TTC6: variants seen among roughly 807,000 people sequenced by gnomAD.
TTC6 encodes the protein tetratricopeptide repeat protein 6.
In TTC6, 172 loss-of-function variants were observed where a neutral mutation model predicts 210.4. The ratio of observed to expected loss-of-function variants is 0.82; its 90% CI spans 0.72 to 0.93. The LOEUF is 0.93. Ranked by LOEUF, TTC6 falls within the 40% of genes least tolerant of loss-of-function variation. The probability of loss-of-function intolerance (pLI) is 0.00; values close to 1 mark genes in which losing one functional copy is unlikely to be tolerated. For synonymous variants in TTC6, 804 were observed against 819.6 expected (o/e 0.98, Z 0.32); for missense variants, 2,414 against 2,318.1 (o/e 1.04, Z -0.85).
At chr14:37,596,140 T>C (rs1256385964) in intron 1 of TTC6, 132 bp downstream of exon 1, 2 of 152,104 alleles carry the variant, frequency 1.3e-5, no homozygotes, top group African/African-American at 2.4e-5. Context: ...GTCTGTGTGA[T>C]AGGGCAGGCG....
At chr14:37,747,472 G>A (rs893351841) in intron 10 of TTC6, among the ~76,000 whole-genome samples, 12 of 152,212 alleles carry the variant, frequency 7.9e-5, no homozygotes, top group East Asian at 7.7e-4. Flanking sequence ...CAAAAAGAGG[G>A]AGTGATGACT....
intron 27 of TTC6, 62 bp downstream of exon 29, chr14:37,824,019 C>G: frequency 6.8e-7 from 1 of 1,466,708 alleles, no homozygotes; most frequent in Non-Finnish European, 9.5e-7. Context: ...ATATTTGGCT[C>G]TTTCCTGGCA....
intron 20 of TTC6, among the ~76,000 whole-genome samples, chr14:37,803,634 G>A (rs1050899902): frequency 6.6e-6 from 1 of 152,198 alleles, no homozygotes; most frequent in Non-Finnish European, 1.5e-5. Context: ...GGCTGCTCAG[G>A]TGAGGCAGGA....
At chr14:37,745,073 T>TAC (rs2095931977) in intron 10 of TTC6, among the ~76,000 whole-genome samples, 1 of 152,058 alleles carries the variant, frequency 6.6e-6, no homozygotes, top group Non-Finnish European at 1.5e-5. Flanking sequence ...TACATATGTG[T>TAC]GTGTGTATAT....
chr14:37,659,420 T>G (rs866349988), intron 1 of TTC6, among the ~76,000 whole-genome samples: 1 of 152,152 alleles, frequency 6.6e-6, no homozygotes, highest in African/African-American at 2.4e-5. Flanking sequence ...ATGTGTTCCT[T>G]TTTCTCCACA....
At chr14:37,709,800 A>T (rs113611117) in intron 5 of TTC6, among the ~76,000 whole-genome samples, 3 of 152,004 alleles carry the variant, frequency 2.0e-5, no homozygotes, top group Non-Finnish European at 2.9e-5. Flanking sequence ...CATAATATTC[A>T]TATGCCTCTG....
chr14:37,736,258 C>T (rs558259405), intron 8 of TTC6, among the ~76,000 whole-genome samples: 12 of 151,914 alleles, frequency 7.9e-5, no homozygotes, highest in African/African-American at 2.2e-4. Flanking sequence ...TGTGGTGGCA[C>T]GTGCCTGTAT....
intron 29 of TTC6, chr14:37,827,793 C>T (rs2096175713): frequency 1.3e-5 from 2 of 154,048 alleles, no homozygotes; most frequent in South Asian, 2.0e-4. Context: ...ATCCTTCTTT[C>T]CCTGAAAAAT....
At chr14:37,802,889 T>C (rs2096110152) in intron 20 of TTC6, among the ~76,000 whole-genome samples, 1 of 151,988 alleles carries the variant, frequency 6.6e-6, no homozygotes, top group African/African-American at 2.4e-5. Context: ...CATACCACTA[T>C]GCCCAGCTAA....
chr14:37,670,602 C>G (rs2095756455), intron 1 of TTC6, among the ~76,000 whole-genome samples: 2 of 150,956 alleles, frequency 1.3e-5, no homozygotes, highest in African/African-American at 4.9e-5. Context: ...TTCCGAGTAG[C>G]TGGGATTACA....
chr14:37,766,588 C>T (rs1003716112), intron 14 of TTC6, among the ~76,000 whole-genome samples: 2 of 152,142 alleles, frequency 1.3e-5, no homozygotes, highest in Admixed American at 6.6e-5. Context: ...ATATGTACCA[C>T]GTTTTCTTTA....
intron 29 of TTC6, among the ~76,000 whole-genome samples, chr14:37,830,011 T>C (rs2139011038): frequency 6.6e-6 from 1 of 152,236 alleles, no homozygotes; most frequent in African/African-American, 2.4e-5. Context: ...TTCTTGGTTG[T>C]CTGAAATTAG....
chr14:37,634,742 A>T (rs1396565735), intron 1 of TTC6, among the ~76,000 whole-genome samples: 2 of 152,210 alleles, frequency 1.3e-5, no homozygotes, highest in African/African-American at 4.8e-5. Context: ...GAGAGAAACA[A>T]TATGTTAACC....
At chr14:37,787,676 C>A in intron 15 of TTC6, 39 bp downstream of exon 17, 1 of 1,384,356 alleles carries the variant, frequency 7.2e-7, no homozygotes, top group Non-Finnish European at 9.4e-7. Context: ...GCAACCCAAT[C>A]TGAGATTCAA....
chr14:37,679,708 T>G (rs1047425973), intron 1 of TTC6, among the ~76,000 whole-genome samples: 1 of 152,072 alleles, frequency 6.6e-6, no homozygotes, highest in African/African-American at 2.4e-5. Context: ...ATTTATTTAT[T>G]AAACAGAGTT....
intron 2 of TTC6, among the ~76,000 whole-genome samples, chr14:37,615,983 A>T (rs1166719996): frequency 2.0e-5 from 3 of 152,188 alleles, no homozygotes; most frequent in African/African-American, 4.8e-5. Context: ...TTTGTCATGT[A>T]GAGTCTAGGT....
chr14:37,597,467 C>A (rs1235703906), intron 1 of TTC6, among the ~76,000 whole-genome samples: 1 of 151,714 alleles, frequency 6.6e-6, no homozygotes, highest in Non-Finnish European at 1.5e-5. Context: ...AAAACACTGT[C>A]ACCTTAAAGG....
intron 1 of TTC6, among the ~76,000 whole-genome samples, chr14:37,624,969 T>A (rs1436999175): frequency 1.3e-5 from 2 of 152,114 alleles, no homozygotes; most frequent in African/African-American, 4.8e-5. Flanking sequence ...TTGTTTTATG[T>A]CGGAGAGTGG....
chr14:37,657,488 C>A (rs757145731), intron 1 of TTC6, among the ~76,000 whole-genome samples: 1 of 151,790 alleles, frequency 6.6e-6, no homozygotes, highest in Non-Finnish European at 1.5e-5. Context: ...ACGAGGACGC[C>A]GAGCCAAGAA....
Sources: allele counts gnomAD v4.1 joint callset (sites outside exome capture counted in the v4.1 genomes callset), GRCh38; gene constraint gnomAD v4.1.1; transcripts MANE v1.5; gene names NCBI Gene and HGNC (gene_info 2026-07-23, HGNC 2026-07-21).